The following TIPIN variants were observed in gnomAD, a reference collection of about 807,000 sequenced individuals.
TIPIN encodes the protein TIMELESS-interacting protein.
A neutral mutation model predicts 35.6 loss-of-function variants in TIPIN; 29 were observed. The ratio of observed to expected loss-of-function variants is 0.82; its 90% CI spans 0.61 to 1.11. The LOEUF (loss-of-function observed/expected upper bound fraction) is 1.11. Ranked by LOEUF, TIPIN falls within the 50% of genes most tolerant of loss-of-function variation. TIPIN has a pLI of 0.00. For missense variants in TIPIN, 296 were observed against 345.4 expected, an observed-to-expected ratio of 0.86 and a Z score of 1.13; for synonymous variants, 102 against 121.5, an observed-to-expected ratio of 0.84 and a Z score of 1.06.
upstream of TIPIN, chr15:66,356,687 A>C (rs2093206418): frequency 1.0e-6 from 1 of 985,446 alleles, no homozygotes; most frequent in Non-Finnish European, 1.2e-6. Context: ...GTGCAGACTA[A>C]GCGCGCTTCT....
At chr15:66,346,607 G>A (rs1426114109) in intron 6 of TIPIN, among the ~76,000 whole-genome samples, 1 of 152,024 alleles carries the variant, frequency 6.6e-6, no homozygotes, top group African/African-American at 2.4e-5. Context: ...CCACAAAGGG[G>A]CCTGATCGTA....
At chr15:66,358,048 A>G (rs1418038571), upstream of TIPIN, among the ~76,000 whole-genome samples, 2 of 152,208 alleles carry the variant, frequency 1.3e-5, no homozygotes, top group African/African-American at 2.4e-5. Context: ...GTTTGAGCCC[A>G]GGAATTCAAA....
chr15:66,356,511 C>T (rs964406309), intron 1 of TIPIN, 128 bp downstream of exon 1: 28 of 761,610 alleles, frequency 3.7e-5, no homozygotes, highest in Non-Finnish European at 4.5e-5. Context: ...ACCTCCTGAC[C>T]CCCTTCCTGC....
At chr15:66,371,510 A>G (rs1295210019) in intron 1 of TIPIN, 1 of 493,112 alleles carries the variant, frequency 2.0e-6, no homozygotes, top group Non-Finnish European at 2.6e-6. Context: ...TTTCTCTGGT[A>G]ATTGTTTCTT....
At chr15:66,384,983 C>T (rs1210569293) in intron 1 of TIPIN, among the ~76,000 whole-genome samples, 3 of 152,170 alleles carry the variant, frequency 2.0e-5, no homozygotes, top group African/African-American at 7.2e-5. Context: ...CACACTGATA[C>T]CTCCAATTCC....
chr15:66,382,940 C>T (rs576816858), intron 1 of TIPIN: 155 of 985,314 alleles, frequency 1.6e-4, no homozygotes, highest in African/African-American at 1.3e-3. Context: ...GGATCACTGC[C>T]GGTCTGAAAA....
At chr15:66,339,493 A>G (rs890497602) in intron 7 of TIPIN, among the ~76,000 whole-genome samples, 5 of 152,204 alleles carry the variant, frequency 3.3e-5, no homozygotes, top group Non-Finnish European at 5.9e-5. Flanking sequence ...TACTTCATTC[A>G]AAACCAACTT....
intron 1 of TIPIN, chr15:66,379,530 C>G (rs1362421662): frequency 6.2e-7 from 1 of 1,610,292 alleles, no homozygotes; most frequent in African/African-American, 1.3e-5. Context: ...AACACCTGGT[C>G]TCATCCGCAC....
At chr15:66,365,693 C>T (rs1307686433) in intron 1 of TIPIN, among the ~76,000 whole-genome samples, 12 of 152,008 alleles carry the variant, frequency 7.9e-5, no homozygotes, top group East Asian at 3.9e-4. Flanking sequence ...ATTACAGGTG[C>T]GTGGCACCAT....
At chr15:66,343,762 G>A (rs1595787238) in intron 6 of TIPIN, among the ~76,000 whole-genome samples, 1 of 152,158 alleles carries the variant, frequency 6.6e-6, no homozygotes, top group African/African-American at 2.4e-5. Flanking sequence ...ACTTTTGGGG[G>A]CCGAGGCAGG....
chr15:66,382,871 T>A (rs16949838), intron 1 of TIPIN: 72,740 of 810,134 alleles, frequency 0.09, 3,628 homozygotes, highest in East Asian at 0.34. Flanking sequence ...TTCAGTCTTA[T>A]TCTTGTCTGT....
In TIPIN at chr15:66,372,681, G is replaced by A. The variant is rs149913370; in HGVS notation, c.-9+13926C>T. On this transcript the variant is annotated intron_variant, in intron 1 of 7. Transcript: ENST00000562124. ...AGCACTTTGGGATGCCAAGGCAGGCGGATCACGAGGTCAAGAGTTTGAGAC... is the reference window on the plus strand; with the variant it reads ...AGCACTTTGGGATGCCAAGGCAGGCAGATCACGAGGTCAAGAGTTTGAGAC... 8.3e-3 allele frequency among the ~76,000 whole-genome samples: 1,271 copies of A among 152,272 alleles called. 11 individuals are homozygous for A. Among genetic ancestry groups the A allele is most frequent in the Non-Finnish European group, 0.014 (930 of 68,022 alleles).
chr15:66,352,012 A>T (rs1330776665), intron 3 of TIPIN, 117 bp downstream of exon 3: 1 of 815,502 alleles, frequency 1.2e-6, no homozygotes, highest in Non-Finnish European at 1.9e-6. Context: ...ACTAAAAAAA[A>T]GTTTTTAGAA....
intron 1 of TIPIN, among the ~76,000 whole-genome samples, chr15:66,381,400 G>A (rs868416781): frequency 5.3e-5 from 8 of 151,760 alleles, no homozygotes; most frequent in South Asian, 2.1e-4. Flanking sequence ...ATTGCGCCAC[G>A]GCACTCCAGC....
chr15:66,356,238 C>G (rs1247971770), intron 1 of TIPIN, among the ~76,000 whole-genome samples: 1 of 152,112 alleles, frequency 6.6e-6, no homozygotes, highest in South Asian at 2.1e-4. Flanking sequence ...CCTGAAACAT[C>G]GAACCTCCCA....
At chr15:66,369,578 C>T (rs893114899) in intron 1 of TIPIN, among the ~76,000 whole-genome samples, 1 of 151,902 alleles carries the variant, frequency 6.6e-6, no homozygotes, top group Non-Finnish European at 1.5e-5. Context: ...TCGATCTCCA[C>T]ATCTCGTGAT....
chr15:66,365,570 G>A (rs1049377858), intron 1 of TIPIN, among the ~76,000 whole-genome samples: 12 of 152,000 alleles, frequency 7.9e-5, no homozygotes, highest in South Asian at 2.1e-4. Flanking sequence ...CTGTTGAGAC[G>A]GAGTTTAGCT....
chr15:66,339,022 T>C (rs1257345536), intron 7 of TIPIN, among the ~76,000 whole-genome samples: 1 of 146,862 alleles, frequency 6.8e-6, no homozygotes, highest in African/African-American at 2.5e-5. Flanking sequence ...TCCTAGCTAC[T>C]TGAGGAGGCT....
chr15:66,345,710 C>CA (rs368302596), intron 6 of TIPIN, among the ~76,000 whole-genome samples: 95 of 133,738 alleles, frequency 7.1e-4, no homozygotes, highest in Middle Eastern at 4.0e-3. Flanking sequence ...GACTCCGTCT[C>CA]AAAAAAAAAA....
Sources: gnomAD v4.1 joint callset for allele counts (sites outside exome capture counted in the v4.1 genomes callset) on GRCh38, gnomAD v4.1.1 for gene constraint, MANE v1.5 for transcripts, NCBI Gene and HGNC (gene_info 2026-07-23, HGNC 2026-07-21) for gene names.